Variants in THRB observed in about 807,000 individuals in gnomAD.
The protein encoded by THRB is thyroid hormone receptor beta.
Under a neutral mutation model 47.8 loss-of-function variants are expected in THRB, and 12 were observed. The ratio of observed to expected loss-of-function variants is 0.25; its 90% CI spans 0.16 to 0.41. THRB has a LOEUF of 0.41. THRB is among the 10% of genes least tolerant of loss of function. The probability of loss-of-function intolerance (pLI) is 1.00; values close to 1 mark genes in which losing one functional copy is unlikely to be tolerated. For synonymous variants in THRB, 218 were observed against 212.2 expected, an observed-to-expected ratio of 1.03 and a Z score of -0.24; for missense variants, 348 against 589.2, an observed-to-expected ratio of 0.59 and a Z score of 4.24.
chr3:24,273,129 A>AAC (rs146281602), intron 3 of THRB, among the ~76,000 whole-genome samples: 166 of 150,784 alleles, frequency 1.1e-3, no homozygotes, highest in Middle Eastern at 3.4e-3. Flanking sequence ...CTATGAATTA[A>AAC]ACACACACAC....
intron 1 of THRB, among the ~76,000 whole-genome samples, chr3:24,461,559 T>C (rs972128383): frequency 1.1e-4 from 17 of 152,252 alleles, no homozygotes; most frequent in African/African-American, 3.9e-4. Flanking sequence ...ATGTGGCTAA[T>C]TAACTTAATG....
At chr3:24,185,064 CA>C (rs1427488677) in intron 5 of THRB, among the ~76,000 whole-genome samples, 1 of 152,154 alleles carries the variant, frequency 6.6e-6, no homozygotes, top group Non-Finnish European at 1.5e-5. Flanking sequence ...TGATTTGATT[CA>C]TTTTTTTTGT....
At chr3:24,126,564 CA>C (rs1276150004) in intron 10 of THRB, among the ~76,000 whole-genome samples, 1 of 151,852 alleles carries the variant, frequency 6.6e-6, no homozygotes, top group East Asian at 1.9e-4. Context: ...TCTATGTCCT[CA>C]AAAAAAAGAA....
intron 4 of THRB, among the ~76,000 whole-genome samples, chr3:24,225,377 A>G (rs1373697811): frequency 6.6e-6 from 1 of 152,174 alleles, no homozygotes; most frequent in Non-Finnish European, 1.5e-5. Flanking sequence ...AGCTAAACAA[A>G]CAAGCAAGTC....
At chr3:24,384,765 A>C (rs76840942) in intron 1 of THRB, among the ~76,000 whole-genome samples, 12 of 152,146 alleles carry the variant, frequency 7.9e-5, no homozygotes, top group Admixed American at 6.6e-4. Flanking sequence ...TTCAGAATTT[A>C]TTGATATGGA....
intron 2 of THRB, among the ~76,000 whole-genome samples, chr3:24,317,554 T>C (rs1338418753): frequency 1.3e-5 from 2 of 151,992 alleles, no homozygotes; most frequent in Admixed American, 1.3e-4. Flanking sequence ...AAACTAAAAG[T>C]GGGCTTATGC....
chr3:24,352,600 T>G (rs944842431), intron 1 of THRB, among the ~76,000 whole-genome samples: 6 of 152,186 alleles, frequency 3.9e-5, no homozygotes, highest in Non-Finnish European at 5.9e-5. Flanking sequence ...CCGGGGTGGT[T>G]GGTTTTAAAA....
At chr3:24,221,089 G>C (rs1382771368) in intron 4 of THRB, among the ~76,000 whole-genome samples, 1 of 152,194 alleles carries the variant, frequency 6.6e-6, no homozygotes, top group South Asian at 2.1e-4. Context: ...ATTCCAGAGC[G>C]AGAATGTCAT....
intron 4 of THRB, among the ~76,000 whole-genome samples, chr3:24,207,424 G>C (rs1256152079): frequency 6.6e-6 from 1 of 152,086 alleles, no homozygotes; most frequent in East Asian, 1.9e-4. Flanking sequence ...ATGCAGAAAA[G>C]GCCTTTGACA....
chr3:24,447,381 A>G (rs996687674), intron 1 of THRB, among the ~76,000 whole-genome samples: 1 of 152,178 alleles, frequency 6.6e-6, no homozygotes, highest in Admixed American at 6.5e-5. Context: ...CAACAAGTCA[A>G]ACAGGTCTAA....
chr3:24,368,836 C>T (rs1382500806), intron 1 of THRB, among the ~76,000 whole-genome samples: 1 of 152,132 alleles, frequency 6.6e-6, no homozygotes, highest in Non-Finnish European at 1.5e-5. Flanking sequence ...TCCATCTAGG[C>T]AAGATTTACT....
At chr3:24,398,485 C>G (rs1212269287) in intron 1 of THRB, among the ~76,000 whole-genome samples, 1 of 152,320 alleles carries the variant, frequency 6.6e-6, no homozygotes, top group East Asian at 1.9e-4. Flanking sequence ...AAATGCTCAT[C>G]ATCACTGGCC....
chr3:24,391,462 GTTAAAC>G (rs2066563133), intron 1 of THRB, among the ~76,000 whole-genome samples: 1 of 152,050 alleles, frequency 6.6e-6, no homozygotes, highest in Non-Finnish European at 1.5e-5. Context: ...GTTATTCCTT[GTTAAAC>G]TTAGTTTTGA....
chr3:24,446,296 T>C (rs539166170), intron 1 of THRB, among the ~76,000 whole-genome samples: 54 of 152,084 alleles, frequency 3.6e-4, no homozygotes, highest in Non-Finnish European at 6.9e-4. Context: ...TGAAAAGAAT[T>C]GTCCCAGAAG....
Position 24,230,724 on chromosome 3 carries a change from T to C in THRB, c.-42-1723A>G, listed in dbSNP as rs552797745. On this transcript the variant is annotated intron_variant, in intron 3 of 10. Coordinates refer to ENST00000646209, the MANE Select transcript of THRB (RefSeq NM_001354712.2). ...CCATGTTTTCACATGCTACCACTCC[T>C]GAATATTCTAAAGAGGTGGAGGAAC... Among the ~76,000 whole-genome samples the C allele has an allele frequency of 4.6e-5, 7 of 152,306 alleles. No individual in the cohort carries two copies. In the East Asian group the frequency reaches 1.4e-3, roughly 29 times the overall value.
chr3:24,375,433 ATAATAT>A (rs890972149), intron 1 of THRB, among the ~76,000 whole-genome samples: 1 of 144,330 alleles, frequency 6.9e-6, no homozygotes, highest in Non-Finnish European at 1.5e-5. Flanking sequence ...AGTTAGACAT[ATAATAT>A]TAATATATTA....
chr3:24,467,526 G>A (rs748579928), intron 1 of THRB, among the ~76,000 whole-genome samples: 15 of 152,186 alleles, frequency 9.9e-5, no homozygotes, highest in Non-Finnish European at 1.6e-4. Context: ...GACAAAAAGA[G>A]TCAAAATTAC....
intron 1 of THRB, among the ~76,000 whole-genome samples, chr3:24,405,740 T>C (rs2067775419): frequency 6.6e-6 from 1 of 151,752 alleles, no homozygotes; most frequent in African/African-American, 2.4e-5. Context: ...TCCACATGAA[T>C]TTTTAAAGTA....
chr3:24,306,712 T>C (rs2057365318), intron 2 of THRB, among the ~76,000 whole-genome samples: 1 of 152,112 alleles, frequency 6.6e-6, no homozygotes, highest in Non-Finnish European at 1.5e-5. Flanking sequence ...CTCCAGCCCA[T>C]TGCTCAAAGT....
Sources: gnomAD v4.1 joint callset for allele counts (sites outside exome capture counted in the v4.1 genomes callset) on GRCh38, gnomAD v4.1.1 for gene constraint, MANE v1.5 for transcripts, NCBI Gene and HGNC (gene_info 2026-07-23, HGNC 2026-07-21) for gene names.